The following ANAPC1 variants were observed in gnomAD, a reference collection of about 807,000 sequenced individuals.
The protein encoded by ANAPC1 is anaphase promoting complex subunit 1, also known as anaphase-promoting complex subunit 1.
A neutral mutation model predicts 208.0 loss-of-function variants in ANAPC1; 36 were observed. The ratio of observed to expected loss-of-function variants is 0.17; its 90% CI spans 0.13 to 0.23. The LOEUF (loss-of-function observed/expected upper bound fraction) is 0.23, where lower values mean the gene tolerates loss of function less well. Among genes scored for constraint, ANAPC1 ranks in the 10% least tolerant of loss-of-function variants. ANAPC1 has a pLI of 1.00. For synonymous variants in ANAPC1, 378 were observed against 695.2 expected (o/e 0.54, Z 7.18); for missense variants, 942 against 2,011.6 (o/e 0.47, Z 10.17).
intron 14 of ANAPC1, among the ~76,000 whole-genome samples, chr2:111,850,337 C>T (rs1285656790): frequency 6.6e-6 from 1 of 152,102 alleles, no homozygotes; most frequent in African/African-American, 2.4e-5. Context: ...AGATATCCTA[C>T]TCAACCCCAA....
At chr2:111,793,384 C>T (rs2104533193) in intron 37 of ANAPC1, among the ~76,000 whole-genome samples, 1 of 150,104 alleles carries the variant, frequency 6.7e-6, no homozygotes, top group East Asian at 2.0e-4. Context: ...TGTCACCACA[C>T]CTGGCTAATT....
intron 17 of ANAPC1, among the ~76,000 whole-genome samples, chr2:111,842,601 C>A (rs1234291721): frequency 6.6e-6 from 1 of 150,430 alleles, no homozygotes; most frequent in East Asian, 1.9e-4. Context: ...TGAGATTGCG[C>A]CATTGCACTC....
downstream of ANAPC1, chr2:111,766,713 C>T: frequency 3.3e-6 from 1 of 302,846 alleles, no homozygotes; most frequent in South Asian, 3.0e-5. Context: ...ACTCCAAATC[C>T]TGGCCCACAC....
chr2:111,869,253 AT>A (rs10664612), intron 6 of ANAPC1, among the ~76,000 whole-genome samples: 8 of 150,506 alleles, frequency 5.3e-5, no homozygotes, highest in Non-Finnish European at 7.4e-5. Flanking sequence ...CTTGTTATTT[AT>A]TTTTTTTTTG....
At chr2:111,789,048 G>C (rs1677729623) in intron 38 of ANAPC1, among the ~76,000 whole-genome samples, 2 of 152,262 alleles carry the variant, frequency 1.3e-5, no homozygotes, top group Non-Finnish European at 2.9e-5. Flanking sequence ...TGAGGCAGGA[G>C]AATGGCGTGA....
At chr2:111,874,987 C>A (rs2311825) in intron 3 of ANAPC1, among the ~76,000 whole-genome samples, 1 of 152,158 alleles carries the variant, frequency 6.6e-6, no homozygotes, top group Non-Finnish European at 1.5e-5. Flanking sequence ...CCTGGCTACA[C>A]GTGTAACTTT....
chr2:111,848,785 A>T (rs557859965), intron 14 of ANAPC1, among the ~76,000 whole-genome samples: 135 of 152,232 alleles, frequency 8.9e-4, no homozygotes, highest in East Asian at 3.1e-3. Context: ...TCAAAAAAAA[A>T]AAAAAGACTA....
intron 14 of ANAPC1, among the ~76,000 whole-genome samples, chr2:111,850,148 T>C (rs1336604841): frequency 2.0e-5 from 3 of 152,028 alleles, no homozygotes; most frequent in Admixed American, 2.0e-4. Flanking sequence ...CCAAACCCTA[T>C]CCTGCCTCAC....
intron 21 of ANAPC1, among the ~76,000 whole-genome samples, chr2:111,826,403 T>C (rs946846673): frequency 2.6e-5 from 4 of 152,232 alleles, no homozygotes; most frequent in African/African-American, 9.6e-5. Context: ...ATCTGTTTTC[T>C]TGCTCTACAG....
intron 17 of ANAPC1, among the ~76,000 whole-genome samples, chr2:111,841,815 A>G (rs1298171159): frequency 6.6e-6 from 1 of 152,114 alleles, no homozygotes; most frequent in Non-Finnish European, 1.5e-5. Context: ...GAATCAAAAA[A>G]TAAGAACTAT....
intron 34 of ANAPC1, among the ~76,000 whole-genome samples, chr2:111,795,469 G>A (rs1393819529): frequency 1.4e-5 from 2 of 147,714 alleles, no homozygotes; most frequent in Admixed American, 6.9e-5. Flanking sequence ...CAGTAACAGG[G>A]TCATAATATT....
At chr2:111,845,740 C>G (rs1208389503) in intron 16 of ANAPC1, among the ~76,000 whole-genome samples, 1 of 151,738 alleles carries the variant, frequency 6.6e-6, no homozygotes, top group African/African-American at 2.4e-5. Context: ...TTTGGGAGGC[C>G]GAGGCAGGTG....
intron 46 of ANAPC1, among the ~76,000 whole-genome samples, chr2:111,775,295 A>G (rs779101305): frequency 6.6e-6 from 1 of 152,238 alleles, no homozygotes; most frequent in Non-Finnish European, 1.5e-5. Flanking sequence ...CGACATTTAT[A>G]TAATATAAAT....
At chr2:111,810,020 A>G (rs1490753416) in intron 28 of ANAPC1, among the ~76,000 whole-genome samples, 1 of 149,632 alleles carries the variant, frequency 6.7e-6, no homozygotes, top group African/African-American at 2.5e-5. Flanking sequence ...TGTTCATAGC[A>G]GTATTATTCG....
Position 111,873,812 on chromosome 2 carries a change from A to C in ANAPC1, c.376-148T>G, listed in dbSNP as rs1241345622. 4.8e-6 allele frequency: 3 copies of C among 625,198 alleles called. No individual in the cohort carries two copies. The African/African-American group carries it at 5.9e-5, about 12-fold the overall frequency. The allele number at this position is 625,198 out of a possible 1,614,324, so 38.7% of individuals were successfully genotyped here. On this transcript the variant is annotated intron_variant, in intron 3 of 47. Coordinates refer to ENST00000341068, the MANE Select transcript of ANAPC1 (RefSeq NM_022662.4). ...TACAATCATGGGAACAAAAAGAATAAGAAAAAATAAATTAGAGTAATAAAT... is the reference window on the plus strand; with the variant it reads ...TACAATCATGGGAACAAAAAGAATACGAAAAAATAAATTAGAGTAATAAAT...
At chr2:111,853,719 G>A (rs1681538518) in intron 13 of ANAPC1, among the ~76,000 whole-genome samples, 1 of 151,292 alleles carries the variant, frequency 6.6e-6, no homozygotes, top group Admixed American at 6.6e-5. Context: ...TTTCCAGAAG[G>A]TTTCTTTTTT....
rs770778062 is a variant in ANAPC1 at position 111,834,703 on chromosome 2, A to G, written c.2285T>C (p.Ile762Thr). 2 of 1,613,612 alleles carry G rather than the reference A, an allele frequency of 1.2e-6. No homozygotes were observed. The highest frequency in any genetic ancestry group is 1.3e-5 in the African/African-American group (1 of 74,862). The change falls in exon 19 of 48, where the codon ATT becomes ACT. Residue 762 changes from isoleucine (I) to threonine (T), a missense_variant. Ile to Thr is a moderately conservative substitution (Grantham distance 89). Transcript: ENST00000341068. ...ATACACAAGGTGAAGAACGAAAAAA[A>G]TTGCAGGTATGTGAGTAAAGAGAAG... ...STLLFTHIPA[I>T]FFVLHLVYEE...
At chr2:111,871,834 T>C (rs1049634151) in intron 6 of ANAPC1, among the ~76,000 whole-genome samples, 13 of 152,370 alleles carry the variant, frequency 8.5e-5, no homozygotes, top group African/African-American at 2.6e-4. Context: ...TCTGTGTACA[T>C]TGATTTTGTA....
chr2:111,812,828 T>C (rs1259366994), intron 28 of ANAPC1, among the ~76,000 whole-genome samples: 3 of 94,072 alleles, frequency 3.2e-5, no homozygotes, highest in African/African-American at 4.3e-5. Flanking sequence ...GAGGCACTAA[T>C]AGCTGCCATA....
Sources: gnomAD v4.1 joint callset for allele counts (sites outside exome capture counted in the v4.1 genomes callset) on GRCh38, gnomAD v4.1.1 for gene constraint, MANE v1.5 for transcripts, NCBI Gene and HGNC (gene_info 2026-07-23, HGNC 2026-07-21) for gene names.